Variants in EMCN observed in about 807,000 individuals in gnomAD.
EMCN encodes the protein MUC-14.
Under a neutral mutation model 38.4 loss-of-function variants are expected in EMCN, and 37 were observed. That is an observed-to-expected ratio of 0.96 (90% CI 0.74 to 1.27). EMCN has a LOEUF of 1.27. Ranked by LOEUF, EMCN falls within the 50% of genes most tolerant of loss-of-function variation. EMCN has a pLI of 0.00. For missense variants in EMCN, 318 were observed against 302.8 expected (o/e 1.05, Z -0.37); for synonymous variants, 95 against 100.8 (o/e 0.94, Z 0.35).
At chr4:100,475,979 T>A (rs2110276610) in intron 2 of EMCN, among the ~76,000 whole-genome samples, 1 of 152,118 alleles carries the variant, frequency 6.6e-6, no homozygotes, top group East Asian at 1.9e-4. Flanking sequence ...CAGCCTCTAG[T>A]CACATTTTTA....
intron 5 of EMCN, among the ~76,000 whole-genome samples, chr4:100,436,872 G>A (rs541431142): frequency 2.0e-5 from 3 of 152,240 alleles, no homozygotes; most frequent in African/African-American, 7.2e-5. Context: ...AGTGGTGAGA[G>A]AGGTGTGCGG....
intron 1 of EMCN, among the ~76,000 whole-genome samples, chr4:100,512,886 G>A (rs933736333): frequency 2.0e-5 from 3 of 151,710 alleles, no homozygotes; most frequent in African/African-American, 7.3e-5. Context: ...AAGACAAAGA[G>A]GAAGTTGGAA....
intron 8 of EMCN, among the ~76,000 whole-genome samples, chr4:100,420,131 A>G (rs72919543): frequency 0.04 from 6,025 of 152,222 alleles, 403 homozygotes; most frequent in African/African-American, 0.14. Flanking sequence ...CAATAAGTAT[A>G]TAGTAAGGGC....
At chr4:100,479,638 T>G (rs1728753259) in intron 2 of EMCN, among the ~76,000 whole-genome samples, 1 of 152,110 alleles carries the variant, frequency 6.6e-6, no homozygotes, top group Admixed American at 6.6e-5. Flanking sequence ...CATGGCAATT[T>G]CTTTCTTCTC....
intron 1 of EMCN, among the ~76,000 whole-genome samples, chr4:100,501,797 C>G (rs1179947394): frequency 6.6e-6 from 1 of 150,670 alleles, no homozygotes; most frequent in Non-Finnish European, 1.5e-5. Flanking sequence ...AATAGAAATA[C>G]AATTGATTTC....
intron 11 of EMCN, among the ~76,000 whole-genome samples, chr4:100,407,990 T>G (rs987035693): frequency 6.6e-6 from 1 of 152,232 alleles, no homozygotes; most frequent in Non-Finnish European, 1.5e-5. Context: ...GTTCTGAGAT[T>G]CTTTACTTGA....
At chr4:100,493,836 T>A (rs1056129151) in intron 1 of EMCN, among the ~76,000 whole-genome samples, 1 of 152,232 alleles carries the variant, frequency 6.6e-6, no homozygotes, top group Non-Finnish European at 1.5e-5. Flanking sequence ...AGTCTTCATA[T>A]AGCATCACAG....
intron 4 of EMCN, among the ~76,000 whole-genome samples, chr4:100,460,747 C>G (rs1332454517): frequency 6.6e-6 from 1 of 152,184 alleles, no homozygotes; most frequent in African/African-American, 2.4e-5. Context: ...AATAGGTTAT[C>G]TCTTCACCCC....
At chr4:100,446,053 C>T (rs1306701442) in intron 5 of EMCN, 3 of 984,312 alleles carry the variant, frequency 3.0e-6, no homozygotes, top group East Asian at 1.1e-4. Flanking sequence ...AATGAAGGAT[C>T]CTTCAGTCCC....
intron 5 of EMCN, among the ~76,000 whole-genome samples, chr4:100,424,832 A>T (rs1196152347): frequency 6.6e-6 from 1 of 152,122 alleles, no homozygotes. Flanking sequence ...GTGGCTGATT[A>T]AATAACCAAT....
chr4:100,472,961 TATATATATATTCTAGAA>T (rs1250609787), intron 3 of EMCN, among the ~76,000 whole-genome samples: 1 of 148,184 alleles, frequency 6.7e-6, no homozygotes, highest in African/African-American at 2.5e-5. Flanking sequence ...AATAAACTTC[TATATATATATTCTAGAA>T]ATATATATAT....
chr4:100,470,654 T>C (rs971766424), intron 3 of EMCN, among the ~76,000 whole-genome samples: 4 of 151,810 alleles, frequency 2.6e-5, no homozygotes, highest in Non-Finnish European at 5.9e-5. Flanking sequence ...CAATGACAAA[T>C]TGGATAAACA....
intron 8 of EMCN, among the ~76,000 whole-genome samples, chr4:100,419,963 T>C (rs1275052199): frequency 6.6e-6 from 1 of 152,084 alleles, no homozygotes; most frequent in African/African-American, 2.4e-5. Flanking sequence ...GGGCACACTG[T>C]CCATGAGGTA....
chr4:100,484,744 G>A (rs764034409), intron 1 of EMCN, among the ~76,000 whole-genome samples: 63 of 152,072 alleles, frequency 4.1e-4, no homozygotes, highest in Non-Finnish European at 5.3e-4. Context: ...ATTCCAGGAT[G>A]ATTTGAGATC....
chr4:100,416,318 A>G (rs1227205680), intron 9 of EMCN, among the ~76,000 whole-genome samples: 1 of 152,160 alleles, frequency 6.6e-6, no homozygotes, highest in Non-Finnish European at 1.5e-5. Flanking sequence ...ACATGTCTCC[A>G]ATTCTGAATT....
At chr4:100,409,521 T>G (rs1312373725) in intron 11 of EMCN, among the ~76,000 whole-genome samples, 4 of 152,218 alleles carry the variant, frequency 2.6e-5, no homozygotes, top group Non-Finnish European at 4.4e-5. Flanking sequence ...GAAATTTCCA[T>G]TTTTTATTGA....
intron 10 of EMCN, among the ~76,000 whole-genome samples, chr4:100,414,561 G>A (rs1403258299): frequency 1.3e-5 from 2 of 151,928 alleles, no homozygotes; most frequent in Admixed American, 1.3e-4. Context: ...GTATTGAAGA[G>A]TGGAAGAGAT....
intron 11 of EMCN, among the ~76,000 whole-genome samples, chr4:100,402,231 A>T (rs1338207930): frequency 2.0e-5 from 3 of 152,156 alleles, no homozygotes; most frequent in Non-Finnish European, 4.4e-5. Context: ...GCCGAATCAC[A>T]TTAAACATAA....
At chr4:100,402,055 C>CTCATTATATAA (rs1726274449) in intron 11 of EMCN, among the ~76,000 whole-genome samples, 1 of 152,104 alleles carries the variant, frequency 6.6e-6, no homozygotes, top group African/African-American at 2.4e-5. Flanking sequence ...TATAATGTCA[C>CTCATTATATAA]TGTGCAAAGT....
Sources: allele counts gnomAD v4.1 joint callset (sites outside exome capture counted in the v4.1 genomes callset), GRCh38; gene constraint gnomAD v4.1.1; transcripts MANE v1.5; gene names NCBI Gene and HGNC (gene_info 2026-07-23, HGNC 2026-07-21).